ANKAR: variants seen among roughly 807,000 people sequenced by gnomAD.
The protein encoded by ANKAR is ankyrin and armadillo repeat-containing protein.
In ANKAR, 136 loss-of-function variants were observed where a neutral mutation model predicts 146.2. That is an observed-to-expected ratio of 0.93 (90% CI 0.81 to 1.07). The LOEUF (loss-of-function observed/expected upper bound fraction) is 1.07. Ranked by LOEUF, ANKAR falls within the 50% of genes least tolerant of loss-of-function variation. ANKAR has a pLI of 0.00. For missense variants in ANKAR, 1,567 were observed against 1,679.9 expected (o/e 0.93, Z 1.18); for synonymous variants, 500 against 575.8 (o/e 0.87, Z 1.88).
Position 189,706,959 on chromosome 2 carries a change from A to G in ANKAR, c.1932A>G (p.Leu644=), listed in dbSNP as rs757290237. The G allele has an allele frequency of 6.2e-7, 1 of 1,612,858 alleles. No homozygotes were observed. The highest frequency in any genetic ancestry group is 1.1e-5 in the South Asian group (1 of 90,684). ...TTAGGAATCAGTGCACTCCACTGTT[A>G]CTTGCTGCCACTTCAGGAGCACTGG... ...ATAENQCTPL[L]LAATSGALDT... is the part of the protein sequence containing the mutation. The change falls in exon 9 of 23, where the codon TTA becomes TTG. Residue 644 remains leucine, a synonymous_variant. Transcript: ENST00000684021.
chr2:189,753,985 C>T (rs1367630445), intron 18 of ANKAR: 1 of 1,613,614 alleles, frequency 6.2e-7, no homozygotes. Context: ...GTGTTCTTTT[C>T]ACAAGATGAC....
At chr2:189,746,018 A>C (rs1478527975) in intron 22 of ANKAR, among the ~76,000 whole-genome samples, 4 of 152,260 alleles carry the variant, frequency 2.6e-5, no homozygotes, top group African/African-American at 9.6e-5. Flanking sequence ...GTAGTAACAT[A>C]AGAAAAAATA....
At chr2:189,734,482 C>T (rs1404610851) in intron 17 of ANKAR, among the ~76,000 whole-genome samples, 4 of 152,058 alleles carry the variant, frequency 2.6e-5, no homozygotes, top group Admixed American at 6.6e-5. Context: ...GTCACTGGTC[C>T]ACGGGCCACA....
chr2:189,741,203 C>A, intron 19 of ANKAR, 139 bp from the exon 20 acceptor site: 1 of 477,238 alleles, frequency 2.1e-6, no homozygotes, highest in Non-Finnish European at 3.7e-6. Flanking sequence ...TTTACATATG[C>A]ATGCTTTTTC....
chr2:189,728,581 G>A (rs1574666062), intron 14 of ANKAR, 79 bp from the exon 15 acceptor site: 2 of 1,532,028 alleles, frequency 1.3e-6, no homozygotes, highest in East Asian at 4.5e-5. Flanking sequence ...GGGATTACAA[G>A]TGTCAGCCAC....
chr2:189,726,898 T>A (rs540436827), intron 12 of ANKAR, among the ~76,000 whole-genome samples: 1 of 152,086 alleles, frequency 6.6e-6, no homozygotes, highest in South Asian at 2.1e-4. Flanking sequence ...AAAACCAATA[T>A]GGCAATATAT....
chr2:189,748,329 G>A (rs951693726), downstream of ANKAR, among the ~76,000 whole-genome samples: 9 of 152,224 alleles, frequency 5.9e-5, no homozygotes, highest in Admixed American at 5.9e-4. Context: ...TCAGCCTCCT[G>A]AGTGGCTAGG....
At chr2:189,755,356 G>T (rs2045935788) in intron 18 of ANKAR, 2 of 1,613,438 alleles carry the variant, frequency 1.2e-6, no homozygotes, top group Non-Finnish European at 1.7e-6. Flanking sequence ...GAATGGGAAT[G>T]AATGGCTTTT....
At chr2:189,743,012 CT>C (rs113651969) in intron 20 of ANKAR, among the ~76,000 whole-genome samples, 285 of 129,842 alleles carry the variant, frequency 2.2e-3, no homozygotes, top group African/African-American at 6.7e-3. Context: ...AGTTGGTGGG[CT>C]TTTTTTTTTT....
intron 18 of ANKAR, chr2:189,752,867 T>C (rs761853589): frequency 6.2e-7 from 1 of 1,613,808 alleles, no homozygotes; most frequent in Non-Finnish European, 8.5e-7. Context: ...CATAATGCCA[T>C]TATCAGTGCA....
At chr2:189,759,049 T>C (rs1308967293) in intron 18 of ANKAR, among the ~76,000 whole-genome samples, 1 of 152,168 alleles carries the variant, frequency 6.6e-6, no homozygotes, top group Non-Finnish European at 1.5e-5. Context: ...GCACTATTAA[T>C]TCTCCTTGTA....
At chr2:189,727,400 T>G (rs968808277) in intron 12 of ANKAR, among the ~76,000 whole-genome samples, 1 of 151,626 alleles carries the variant, frequency 6.6e-6, no homozygotes, top group Admixed American at 6.6e-5. Flanking sequence ...CCGGGTGTGG[T>G]GGTGCACACC....
rs368091573 is a variant in ANKAR, at chr2:189,696,217, G to A, written c.1556G>A (p.Arg519His). 116 of 1,614,018 alleles carry A rather than the reference G, an allele frequency of 7.2e-5. No individual in the cohort carries two copies. In the African/African-American group the frequency reaches 7.3e-4, roughly 10 times the overall value. ...GLSAVFHTFS[R>H]KTSSSTINVS... ...TCTGCAGTTTTCCACACATTTAGCC[G>A]TAAAACCTCAAGCTCAACAATCAAT... The change falls in exon 7 of 23, where the codon CGT (arginine) becomes CAT (histidine). Residue 519 changes from arginine to histidine, a missense_variant. By Grantham distance (29) the Arg-to-His change is conservative. Transcript: ENST00000684021.
intron 10 of ANKAR, among the ~76,000 whole-genome samples, chr2:189,716,863 G>A (rs1359845662): frequency 6.6e-6 from 1 of 151,900 alleles, no homozygotes; most frequent in South Asian, 2.1e-4. Context: ...TTAATAAATG[G>A]TGCTGGGAAA....
intron 18 of ANKAR, among the ~76,000 whole-genome samples, chr2:189,758,475 T>C (rs1392730466): frequency 1.3e-5 from 2 of 152,148 alleles, no homozygotes; most frequent in African/African-American, 4.8e-5. Flanking sequence ...CCTTCCGCCA[T>C]GAGTAAAAGC....
intron 18 of ANKAR, chr2:189,754,632 G>A (rs868492023): frequency 1.2e-4 from 43 of 355,814 alleles, no homozygotes; most frequent in African/African-American, 4.5e-4. Flanking sequence ...AATGATGAAC[G>A]TCAATAATAA....
In ANKAR at chr2:189,689,938, T is replaced by G; in HGVS notation, c.1013T>G (p.Leu338Ter). The G allele has an allele frequency of 2.0e-6, 3 of 1,528,942 alleles. No individual in the cohort carries two copies. The highest frequency in any genetic ancestry group is 2.6e-6 in the Non-Finnish European group (3 of 1,146,252). The allele number at this position is 1,528,942 out of a possible 1,614,324, so 94.7% of individuals were successfully genotyped here. The change falls in exon 3 of 23, where the codon TTA (leucine) becomes TGA (stop). Residue 338 changes from leucine (L) to a stop codon, truncating the protein, a stop_gained. Coordinates refer to ENST00000684021, the MANE Select transcript of ANKAR (RefSeq NM_001378068.1). LOFTEE classifies it high-confidence loss of function. ...SLKKKMKVPY[L>*]SSLLQPFSDD... ...AAGAAGAAAATGAAAGTTCCATATT[T>G]AAGTAGTCTGCTTCAGCCTTTTTCA...
chr2:189,684,226 A>G (rs1421925603), intron 2 of ANKAR, among the ~76,000 whole-genome samples: 2 of 151,612 alleles, frequency 1.3e-5, no homozygotes, highest in African/African-American at 2.4e-5. Context: ...TTCTCTGTTC[A>G]TTCCCTGTCC....
chr2:189,705,343 C>G (rs2038784322), intron 8 of ANKAR, 119 bp downstream of exon 8: 2 of 1,011,744 alleles, frequency 2.0e-6, no homozygotes, highest in Non-Finnish European at 2.9e-6. Flanking sequence ...GCCACACACA[C>G]TGCCACTAAA....
Sources: allele counts gnomAD v4.1 joint callset (sites outside exome capture counted in the v4.1 genomes callset), GRCh38; gene constraint gnomAD v4.1.1; transcripts MANE v1.5; gene names NCBI Gene and HGNC (gene_info 2026-07-23, HGNC 2026-07-21).